CPED1: variants seen among roughly 807,000 people sequenced by gnomAD.
CPED1 encodes the protein cadherin-like and PC-esterase domain-containing protein 1.
In CPED1, 114 loss-of-function variants were observed where a neutral mutation model predicts 128.2. The ratio of observed to expected loss-of-function variants is 0.89; its 90% CI spans 0.76 to 1.04. CPED1 has a LOEUF of 1.04. Ranked by LOEUF, CPED1 falls within the 50% of genes least tolerant of loss-of-function variation. CPED1 has a pLI of 0.00. For synonymous variants in CPED1, 462 were observed against 426.7 expected, an observed-to-expected ratio of 1.08 and a Z score of -1.02; for missense variants, 1,211 against 1,207.1, an observed-to-expected ratio of 1.00 and a Z score of -0.05.
At chr7:121,062,664 C>T (rs990868578) in intron 4 of CPED1, 4 of 146,978 alleles carry the variant, frequency 2.7e-5, no homozygotes, top group African/African-American at 9.9e-5. Flanking sequence ...ATGTCAGTGA[C>T]GTCCACTTTG....
intron 16 of CPED1, among the ~76,000 whole-genome samples, chr7:121,182,685 G>A (rs575980701): frequency 6.6e-6 from 1 of 152,054 alleles, no homozygotes; most frequent in Non-Finnish European, 1.5e-5. Flanking sequence ...TGGTCAGATT[G>A]TAAGTTCTAT....
intron 5 of CPED1, among the ~76,000 whole-genome samples, chr7:121,087,004 A>G (rs1381035942): frequency 2.0e-5 from 3 of 152,234 alleles, no homozygotes; most frequent in Admixed American, 1.3e-4. Context: ...CAGGCATAGC[A>G]GGGGACCTAG....
chr7:121,088,816 A>T (rs1458398663), intron 5 of CPED1, among the ~76,000 whole-genome samples: 1 of 145,632 alleles, frequency 6.9e-6, no homozygotes, highest in East Asian at 2.2e-4. Flanking sequence ...AATCTCATTA[A>T]CATCTTTAAA....
intron 5 of CPED1, among the ~76,000 whole-genome samples, chr7:121,088,165 T>G (rs1271435760): frequency 6.6e-6 from 1 of 152,190 alleles, no homozygotes; most frequent in African/African-American, 2.4e-5. Context: ...AAGTCTAGGA[T>G]TGTTATACAG....
chr7:121,275,379 G>A (rs1483836423), intron 22 of CPED1, among the ~76,000 whole-genome samples: 1 of 152,038 alleles, frequency 6.6e-6, no homozygotes, highest in East Asian at 1.9e-4. Flanking sequence ...AATGGATTAC[G>A]TTTTCCTAGT....
At chr7:121,002,578 T>C (rs910179430) in intron 2 of CPED1, among the ~76,000 whole-genome samples, 1 of 152,178 alleles carries the variant, frequency 6.6e-6, no homozygotes, top group African/African-American at 2.4e-5. Flanking sequence ...ATAAGCTATT[T>C]TAAAAGCAGA....
chr7:121,250,040 A>C (rs1396125520), intron 18 of CPED1, among the ~76,000 whole-genome samples: 1 of 152,166 alleles, frequency 6.6e-6, no homozygotes, highest in African/African-American at 2.4e-5. Context: ...ACCACACCAT[A>C]CCTATTCCAA....
chr7:121,225,549 C>T (rs11764551), intron 16 of CPED1, among the ~76,000 whole-genome samples: 52,702 of 151,954 alleles, frequency 0.35, 9,520 homozygotes, highest in Middle Eastern at 0.51. Flanking sequence ...GGGAAATTCT[C>T]CTGGATAATA....
chr7:121,047,047 T>A, intron 4 of CPED1, 54 bp downstream of exon 4: 2 of 1,044,738 alleles, frequency 1.9e-6, no homozygotes, highest in Non-Finnish European at 3.0e-6. Flanking sequence ...ATATTAACAC[T>A]GGCATTTCCT....
intron 16 of CPED1, among the ~76,000 whole-genome samples, chr7:121,170,945 G>C (rs529526094): frequency 6.2e-4 from 94 of 152,096 alleles, no homozygotes; most frequent in Admixed American, 5.0e-3. Flanking sequence ...AGCTGCTTGG[G>C]AGGCTGAGGC....
chr7:121,108,558 G>A (rs1026017417), intron 7 of CPED1, among the ~76,000 whole-genome samples: 4 of 151,858 alleles, frequency 2.6e-5, no homozygotes, highest in South Asian at 4.2e-4. Flanking sequence ...ATAAACTTGT[G>A]AGTATACATT....
chr7:121,095,873 T>C (rs1794687080), intron 5 of CPED1, among the ~76,000 whole-genome samples: 1 of 152,142 alleles, frequency 6.6e-6, no homozygotes, highest in South Asian at 2.1e-4. Context: ...TCTGTGCTTT[T>C]TGGCAGCAAG....
intron 7 of CPED1, 28 bp downstream of exon 7, chr7:121,100,122 C>A: frequency 6.2e-7 from 1 of 1,604,830 alleles, no homozygotes; most frequent in Non-Finnish European, 8.5e-7. Flanking sequence ...GCTATTATTT[C>A]ACGTAAGTAC....
In CPED1 at chr7:121,140,960, G is replaced by A. The variant is rs1340835412; in HGVS notation, c.1833G>A (p.Val611=). 3 of 1,612,430 alleles carry A rather than the reference G, an allele frequency of 1.9e-6. No homozygotes were observed. The highest frequency in any genetic ancestry group is 2.7e-5 in the African/African-American group (2 of 74,814). Residue 611 remains valine, a synonymous_variant, in exon 15 of 23, where the codon GTG becomes GTA. Coordinates refer to ENST00000310396, the MANE Select transcript of CPED1 (RefSeq NM_024913.5). The part of the protein sequence containing the change: ...PFDVVTVTIG[V]ETPKCLCKVH... The stretch of plus-strand genomic sequence containing the variant: ...ATGTGGTAACAGTGACAATTGGAGT[G>A]GAAACTCCTAAGTGTCTGTGCAAGG...
intron 18 of CPED1, among the ~76,000 whole-genome samples, chr7:121,258,950 C>G (rs974714796): frequency 1.3e-5 from 2 of 152,042 alleles, no homozygotes; most frequent in Non-Finnish European, 1.5e-5. Flanking sequence ...TGAATTGTCT[C>G]TCTCTGAAGA....
intron 14 of CPED1, among the ~76,000 whole-genome samples, chr7:121,137,769 A>G (rs926011551): frequency 6.6e-6 from 1 of 152,050 alleles, no homozygotes; most frequent in Non-Finnish European, 1.5e-5. Flanking sequence ...TTCTCCTGGA[A>G]AACTGTTGTC....
intron 5 of CPED1, among the ~76,000 whole-genome samples, chr7:121,093,222 G>A (rs1266572393): frequency 6.6e-6 from 1 of 152,062 alleles, no homozygotes; most frequent in Non-Finnish European, 1.5e-5. Flanking sequence ...AGGCATCATG[G>A]TGAAGGAAAA....
At chr7:121,284,571 T>C (rs1482861455) in intron 22 of CPED1, among the ~76,000 whole-genome samples, 1 of 152,178 alleles carries the variant, frequency 6.6e-6, no homozygotes, top group African/African-American at 2.4e-5. Flanking sequence ...GGTACAGACA[T>C]TGGGTAAATA....
intron 9 of CPED1, 68 bp from the exon 10 acceptor site, chr7:121,127,022 A>T: frequency 8.5e-7 from 1 of 1,170,218 alleles, no homozygotes; most frequent in Non-Finnish European, 1.2e-6. Flanking sequence ...ATCATGTCTT[A>T]GAAGTAATTC....
Sources: allele counts gnomAD v4.1 joint callset (sites outside exome capture counted in the v4.1 genomes callset), GRCh38; gene constraint gnomAD v4.1.1; transcripts MANE v1.5; gene names NCBI Gene and HGNC (gene_info 2026-07-23, HGNC 2026-07-21).